Variants in DYNC1LI2 observed in about 807,000 individuals in gnomAD.
DYNC1LI2 encodes cytoplasmic dynein 1 light intermediate chain 2.
DYNC1LI2 carries 19 observed loss-of-function variants against 57.8 expected under a neutral mutation model. That is an observed-to-expected ratio of 0.33 (90% CI 0.23 to 0.48). DYNC1LI2 has a LOEUF of 0.48. Ranked by LOEUF, DYNC1LI2 falls within the 20% of genes least tolerant of loss-of-function variation. The probability of loss-of-function intolerance (pLI) is 0.99; values close to 1 mark genes in which losing one functional copy is unlikely to be tolerated. For synonymous variants in DYNC1LI2, 256 were observed against 233.4 expected (o/e 1.10, Z -0.88); for missense variants, 470 against 604.2 (o/e 0.78, Z 2.33).
intron 12 of DYNC1LI2, 47 bp downstream of exon 12, chr16:66,725,781 G>GCACT: frequency 6.3e-7 from 1 of 1,581,544 alleles, no homozygotes; most frequent in South Asian, 1.1e-5. Context: ...CATCCTTGCA[G>GCACT]CACTACTCAA....
At position 66,723,584 on chromosome 16, in the gene DYNC1LI2, G is replaced by GTT. The variant is rs80335537; in HGVS notation, c.*136_*137dup. ...TTTCACACTCGGACAAGCCAATGAA[G>GTT]TTTTTTTTTTTTTTTTAAAGTTCAT... On this transcript the variant is annotated 3_prime_UTR_variant, in exon 13 of 13. Coordinates refer to ENST00000258198, the MANE Select transcript of DYNC1LI2 (RefSeq NM_006141.3). The GTT allele has an allele frequency of 0.012, 7,068 of 569,302 alleles. No individual in the cohort carries two copies. The highest frequency in any genetic ancestry group is 0.017 in the South Asian group (801 of 45,974). 35.3% of individuals were successfully genotyped at this position (569,302 alleles called of 1,614,324 possible).
Position 66,742,508 on chromosome 16 carries a change from A to G in DYNC1LI2, c.459T>C (p.Ala153=), listed in dbSNP as rs150155296. ...TATCAATGTGCTCACGTAAAACACTAGCCCATTTCTGCAGAGATTCCATCA... is the reference window on the plus strand; with the variant it reads ...TATCAATGTGCTCACGTAAAACACTGGCCCATTTCTGCAGAGATTCCATCA... ...WTVMESLQKW[A]SVLREHIDKM... is the part of the protein sequence containing the mutation. The change falls in exon 4 of 13, where the codon GCT becomes GCC. Residue 153 remains alanine, a synonymous_variant. Coordinates refer to ENST00000258198, the MANE Select transcript of DYNC1LI2 (RefSeq NM_006141.3). 2.6e-5 allele frequency: 42 copies of G among 1,614,104 alleles called. No individual in the cohort carries two copies. The African/African-American group carries it at 4.9e-4, about 19-fold the overall frequency.
At chr16:66,744,654 G>A (rs1244014531) in intron 3 of DYNC1LI2, among the ~76,000 whole-genome samples, 1 of 151,690 alleles carries the variant, frequency 6.6e-6, no homozygotes, top group Non-Finnish European at 1.5e-5. Flanking sequence ...CTGCTGCCCA[G>A]GTTCAAGCGA....
chr16:66,733,814 C>G (rs1332947560), intron 6 of DYNC1LI2, among the ~76,000 whole-genome samples: 1 of 151,966 alleles, frequency 6.6e-6, no homozygotes, highest in Non-Finnish European at 1.5e-5. Flanking sequence ...AGAGCTAAGA[C>G]TGCACCACTG....
intron 8 of DYNC1LI2, 150 bp downstream of exon 8, chr16:66,729,962 G>A (rs1303072339): frequency 3.7e-6 from 2 of 536,664 alleles, no homozygotes; most frequent in African/African-American, 1.9e-5. Flanking sequence ...TTGTATTTTA[G>A]TGGAGATGGG....
chr16:66,721,733 T>C lies in DYNC1LI2; in HGVS notation c.*1989A>G, dbSNP rs2017453389. On this transcript the variant is annotated 3_prime_UTR_variant, in exon 13 of 13. Coordinates refer to ENST00000258198, the MANE Select transcript of DYNC1LI2 (RefSeq NM_006141.3). Reference sequence around the variant, plus strand: ...TCATCAGTTTTAGTATATTTTATATTGACACAAAAAGTGCTTATCAGTTCA... The same window carrying C: ...TCATCAGTTTTAGTATATTTTATATCGACACAAAAAGTGCTTATCAGTTCA... 1 of 152,600 alleles carries C rather than the reference T, an allele frequency of 6.6e-6. No individual in the cohort carries two copies. Among genetic ancestry groups the C allele is most frequent in the African/African-American group, 2.4e-5 (1 of 41,440 alleles). 9.5% of individuals were successfully genotyped at this position (152,600 alleles called of 1,614,324 possible).
chr16:66,747,730 T>C (rs2017963405), intron 3 of DYNC1LI2, among the ~76,000 whole-genome samples: 2 of 151,934 alleles, frequency 1.3e-5, no homozygotes, highest in South Asian at 4.2e-4. Flanking sequence ...CCACCACGCC[T>C]GGCTAATGTT....
chr16:66,736,364 TC>T, intron 4 of DYNC1LI2, 120 bp from the exon 5 acceptor site: 1 of 1,197,888 alleles, frequency 8.3e-7, no homozygotes, highest in Non-Finnish European at 1.1e-6. Flanking sequence ...GTGACAAACT[TC>T]TTAGTCACAT....
chr16:66,747,774 T>C (rs916229794), intron 3 of DYNC1LI2, among the ~76,000 whole-genome samples: 1 of 151,876 alleles, frequency 6.6e-6, no homozygotes, highest in Non-Finnish European at 1.5e-5. Flanking sequence ...TTTCACCAAG[T>C]TGACCAGGCT....
intron 3 of DYNC1LI2, among the ~76,000 whole-genome samples, chr16:66,745,196 C>T (rs2017913612): frequency 6.6e-6 from 1 of 152,132 alleles, no homozygotes; most frequent in Non-Finnish European, 1.5e-5. Context: ...GCCACCGTGC[C>T]CGGCAGAACT....
chr16:66,743,599 G>A (rs559617314), intron 3 of DYNC1LI2, among the ~76,000 whole-genome samples: 1 of 146,028 alleles, frequency 6.8e-6, no homozygotes, highest in African/African-American at 2.5e-5. Flanking sequence ...GAGTCTCTTA[G>A]CTTTCAATAA....
In DYNC1LI2 at chr16:66,722,893, A is replaced by G. The variant is rs999511021; in HGVS notation, c.*829T>C. 3 of 153,884 alleles carry G rather than the reference A, an allele frequency of 1.9e-5. No individual in the cohort carries two copies. Among genetic ancestry groups the G allele is most frequent in the African/African-American group, 7.2e-5 (3 of 41,478 alleles). The allele number at this position is 153,884 out of a possible 1,614,324, so 9.5% of individuals were successfully genotyped here. A position where few individuals can be genotyped will look rare whatever the true frequency, so the allele number is the denominator to read the frequency against. On this transcript the variant is annotated 3_prime_UTR_variant, in exon 13 of 13. Coordinates refer to ENST00000258198, the MANE Select transcript of DYNC1LI2 (RefSeq NM_006141.3). The stretch of plus-strand genomic sequence containing the variant: ...AGGAGCTATTTAGACAACAAAATTC[A>G]AAGTAAACTAATTCTGTAACTGCTG...
At chr16:66,738,933 A>ACC (rs1455903231) in intron 4 of DYNC1LI2, 7 of 145,098 alleles carry the variant, frequency 4.8e-5, no homozygotes, top group African/African-American at 1.8e-4. Context: ...ACACACACAC[A>ACC]CAAATACTTC....
chr16:66,745,797 G>A (rs566970223), intron 3 of DYNC1LI2, among the ~76,000 whole-genome samples: 4 of 151,724 alleles, frequency 2.6e-5, no homozygotes, highest in East Asian at 3.9e-4. Context: ...CCAGCTACTC[G>A]GGAGACTGAG....
intron 3 of DYNC1LI2, among the ~76,000 whole-genome samples, chr16:66,743,123 A>G (rs775354378): frequency 3.8e-4 from 58 of 151,728 alleles, no homozygotes; most frequent in Non-Finnish European, 7.7e-4. Flanking sequence ...GATTGTGCCA[A>G]TGCACTCCAG....
At chr16:66,725,747 CT>C in intron 12 of DYNC1LI2, 80 bp downstream of exon 12, 4 of 1,404,992 alleles carry the variant, frequency 2.8e-6, no homozygotes, top group Non-Finnish European at 3.9e-6. Context: ...ACTGCAGGGT[CT>C]GCAGGGCAGG....
At chr16:66,728,303 G>A (rs2017572512) in intron 9 of DYNC1LI2, 61 bp from the exon 10 acceptor site, 1 of 1,596,570 alleles carries the variant, frequency 6.3e-7, no homozygotes, top group African/African-American at 1.3e-5. Flanking sequence ...TGAAGGTCTA[G>A]AGAAAAACTT....
chr16:66,747,009 T>C (rs1184107499), intron 3 of DYNC1LI2, among the ~76,000 whole-genome samples: 1 of 151,956 alleles, frequency 6.6e-6, no homozygotes, highest in East Asian at 1.9e-4. Context: ...ATGTACAGAC[T>C]CCAGTGGGCC....
At chr16:66,735,981 C>T (rs1430196637) in intron 5 of DYNC1LI2, 94 bp downstream of exon 5, 6 of 1,486,976 alleles carry the variant, frequency 4.0e-6, no homozygotes, top group African/African-American at 1.4e-5. Flanking sequence ...CCCAAGTCTC[C>T]CTTGGGAAAA....
Sources: gnomAD v4.1 joint callset for allele counts (sites outside exome capture counted in the v4.1 genomes callset) on GRCh38, gnomAD v4.1.1 for gene constraint, MANE v1.5 for transcripts, NCBI Gene and HGNC (gene_info 2026-07-23, HGNC 2026-07-21) for gene names.